The following CSMD1 variants were observed in gnomAD, a reference collection of about 807,000 sequenced individuals.
CSMD1 encodes the protein CUB and sushi domain-containing protein 1.
In CSMD1, 213 loss-of-function variants were observed where a neutral mutation model predicts 417.5. The ratio of observed to expected loss-of-function variants is 0.51; its 90% CI spans 0.46 to 0.57. The LOEUF is 0.57. Ranked by LOEUF, CSMD1 falls within the 20% of genes least tolerant of loss-of-function variation. The probability of loss-of-function intolerance (pLI) is 0.00; values close to 1 mark genes in which losing one functional copy is unlikely to be tolerated. For synonymous variants in CSMD1, 2,862 were observed against 1,736.8 expected (o/e 1.65, Z -16.11); for missense variants, 6,923 against 4,529.7 (o/e 1.53, Z -15.17).
chr8:2,947,434 G>C (rs373141318), intron 68 of CSMD1, among the ~76,000 whole-genome samples: 41 of 152,272 alleles, frequency 2.7e-4, no homozygotes, highest in African/African-American at 9.9e-4. Context: ...ATTAGTTGAA[G>C]GGGGGACTTA....
chr8:3,849,279 G>A (rs1404624884), intron 5 of CSMD1, among the ~76,000 whole-genome samples: 3 of 152,118 alleles, frequency 2.0e-5, no homozygotes, highest in African/African-American at 4.8e-5. Flanking sequence ...ATGTGAATGT[G>A]CACAGACAAA....
chr8:3,304,494 A>C (rs1804660354), intron 25 of CSMD1, among the ~76,000 whole-genome samples: 1 of 152,144 alleles, frequency 6.6e-6, no homozygotes, highest in Non-Finnish European at 1.5e-5. Flanking sequence ...TTCAATCATC[A>C]AAAACATTTT....
chr8:4,720,574 T>C (rs1047921612), intron 1 of CSMD1, among the ~76,000 whole-genome samples: 4 of 152,076 alleles, frequency 2.6e-5, no homozygotes, highest in Admixed American at 1.3e-4. Flanking sequence ...CATGCCACCA[T>C]GCCAGGCTAA....
intron 37 of CSMD1, among the ~76,000 whole-genome samples, chr8:3,175,795 T>C (rs1820902863): frequency 6.6e-6 from 1 of 152,220 alleles, no homozygotes; most frequent in African/African-American, 2.4e-5. Context: ...GTATTATATC[T>C]TATGGATTCT....
intron 10 of CSMD1, among the ~76,000 whole-genome samples, chr8:3,564,108 T>C (rs1799591733): frequency 1.3e-5 from 2 of 152,182 alleles, no homozygotes; most frequent in Non-Finnish European, 2.9e-5. Flanking sequence ...GTAACAGGAA[T>C]ACTCATCACT....
intron 4 of CSMD1, among the ~76,000 whole-genome samples, chr8:4,026,683 G>T (rs999996087): frequency 6.6e-6 from 1 of 152,188 alleles, no homozygotes; most frequent in African/African-American, 2.4e-5. Flanking sequence ...ATATAAAATA[G>T]CAATCAGACA....
chr8:4,076,088 T>A (rs149592934), intron 3 of CSMD1, among the ~76,000 whole-genome samples: 11,395 of 152,180 alleles, frequency 0.075, 669 homozygotes, highest in East Asian at 0.28. Flanking sequence ...CATCTTGAAT[T>A]GCAGTTCCCA....
intron 5 of CSMD1, among the ~76,000 whole-genome samples, chr8:3,798,066 T>C (rs1185772612): frequency 2.6e-5 from 4 of 152,012 alleles, no homozygotes; most frequent in African/African-American, 4.8e-5. Flanking sequence ...TAATAATCCA[T>C]TGAAGTATTG....
intron 3 of CSMD1, among the ~76,000 whole-genome samples, chr8:4,284,136 G>A (rs966331575): frequency 2.0e-5 from 3 of 152,170 alleles, no homozygotes; most frequent in Non-Finnish European, 4.4e-5. Context: ...GGGAGGCCGA[G>A]AAGGGTGGAT....
chr8:4,253,479 C>T (rs982249732), intron 3 of CSMD1, among the ~76,000 whole-genome samples: 18 of 152,034 alleles, frequency 1.2e-4, no homozygotes, highest in Non-Finnish European at 2.6e-4. Flanking sequence ...TGTTTAAGTT[C>T]TTACTATGCA....
At chr8:3,104,841 G>C (rs770153005) in intron 46 of CSMD1, among the ~76,000 whole-genome samples, 1 of 151,826 alleles carries the variant, frequency 6.6e-6, no homozygotes, top group Non-Finnish European at 1.5e-5. Context: ...CTGAGTAGCT[G>C]GCATTACAGG....
chr8:3,345,554 A>C (rs12545987), intron 22 of CSMD1, among the ~76,000 whole-genome samples: 3,650 of 152,250 alleles, frequency 0.024, 74 homozygotes, highest in East Asian at 0.081. Flanking sequence ...TGGATGAGGA[A>C]CAGGCTACAC....
chr8:3,499,917 G>C (rs769258184), intron 10 of CSMD1, among the ~76,000 whole-genome samples: 1 of 152,064 alleles, frequency 6.6e-6, no homozygotes, highest in South Asian at 2.1e-4. Flanking sequence ...AGAGGAACCC[G>C]GTGTGAGTTC....
intron 10 of CSMD1, among the ~76,000 whole-genome samples, chr8:3,512,411 G>C (rs1022915584): frequency 1.3e-5 from 2 of 151,924 alleles, no homozygotes; most frequent in Non-Finnish European, 2.9e-5. Flanking sequence ...ACAGGCTTTT[G>C]GTGCACAGAA....
chr8:4,787,462 G>A (rs1357770790), intron 1 of CSMD1: 3 of 797,592 alleles, frequency 3.8e-6, no homozygotes, highest in Admixed American at 2.0e-5. Context: ...AGAATCACCT[G>A]GAAGGAAAAG....
intron 1 of CSMD1, among the ~76,000 whole-genome samples, chr8:4,916,187 T>C (rs182977034): frequency 5.2e-4 from 79 of 152,326 alleles, no homozygotes; most frequent in African/African-American, 1.7e-3. Flanking sequence ...GTCCTCTCCA[T>C]GGGAGCATTG....
chr8:4,375,091 G>A (rs1220440765), intron 3 of CSMD1, among the ~76,000 whole-genome samples: 1 of 151,978 alleles, frequency 6.6e-6, no homozygotes, highest in African/African-American at 2.4e-5. Flanking sequence ...TTCCAGGCAT[G>A]TTCATTGGCA....
chr8:3,180,572 T>C (rs1821259667), intron 37 of CSMD1, among the ~76,000 whole-genome samples: 1 of 152,178 alleles, frequency 6.6e-6, no homozygotes, highest in Admixed American at 6.5e-5. Context: ...TTATATCTAA[T>C]TACTTGAGAT....
chr8:3,141,398 G>C (rs921219057), intron 41 of CSMD1, among the ~76,000 whole-genome samples: 2 of 152,122 alleles, frequency 1.3e-5, no homozygotes, highest in South Asian at 4.1e-4. Flanking sequence ...TCAATTCCTG[G>C]TTTGACTCTG....
Sources: allele counts gnomAD v4.1 joint callset (sites outside exome capture counted in the v4.1 genomes callset), GRCh38; gene constraint gnomAD v4.1.1; transcripts MANE v1.5; gene names NCBI Gene and HGNC (gene_info 2026-07-23, HGNC 2026-07-21).